The following PFDN1 variants were observed in gnomAD, a reference collection of about 807,000 sequenced individuals.
PFDN1 encodes prefoldin 1.
In PFDN1, 6 loss-of-function variants were observed where a neutral mutation model predicts 17.3. The ratio of observed to expected loss-of-function variants is 0.35; its 90% confidence interval spans 0.19 to 0.69. The LOEUF is 0.69. PFDN1 is among the 30% of genes least tolerant of loss of function. The pLI is 0.65. For missense variants in PFDN1, 113 were observed against 146.2 expected, an observed-to-expected ratio of 0.77 and a Z score of 1.17; for synonymous variants, 58 against 50.1, an observed-to-expected ratio of 1.16 and a Z score of -0.67.
At chr5:140,277,663 G>A (rs1181590416) in intron 3 of PFDN1, among the ~76,000 whole-genome samples, 2 of 151,830 alleles carry the variant, frequency 1.3e-5, no homozygotes, top group African/African-American at 4.8e-5. Flanking sequence ...GGGAGGTGGA[G>A]GCTGCAGTGA....
chr5:140,253,013 T>C (rs1424904550), intron 3 of PFDN1, among the ~76,000 whole-genome samples: 1 of 152,080 alleles, frequency 6.6e-6, no homozygotes, highest in Non-Finnish European at 1.5e-5. Flanking sequence ...AGGACACAGC[T>C]AGGCGATATG....
At chr5:140,268,789 A>G (rs577119635) in intron 3 of PFDN1, among the ~76,000 whole-genome samples, 2 of 152,350 alleles carry the variant, frequency 1.3e-5, no homozygotes, top group South Asian at 4.1e-4. Flanking sequence ...GGGTATGTCA[A>G]TTACATATGT....
At chr5:140,250,239 C>T (rs764889528) in intron 3 of PFDN1, among the ~76,000 whole-genome samples, 4 of 152,146 alleles carry the variant, frequency 2.6e-5, no homozygotes, top group Admixed American at 2.0e-4. Context: ...GCTAAATCTC[C>T]GACCTCACCT....
intron 3 of PFDN1, among the ~76,000 whole-genome samples, chr5:140,260,107 A>G (rs1765042175): frequency 6.6e-6 from 1 of 152,158 alleles, no homozygotes; most frequent in East Asian, 1.9e-4. Context: ...GAAGGCCAAC[A>G]TGGGAGGATC....
intron 2 of PFDN1, among the ~76,000 whole-genome samples, chr5:140,298,094 A>G (rs566564589): frequency 6.6e-6 from 1 of 152,322 alleles, no homozygotes; most frequent in Admixed American, 6.5e-5. Context: ...TCCCAGTAAC[A>G]AACTCTCAAA....
At chr5:140,272,363 A>ATTTTTT (rs34993514) in intron 3 of PFDN1, among the ~76,000 whole-genome samples, 2 of 136,850 alleles carry the variant, frequency 1.5e-5, no homozygotes, top group Non-Finnish European at 1.5e-5. Flanking sequence ...TGGTAAAACC[A>ATTTTTT]TTTTTTTTTT....
intron 3 of PFDN1, among the ~76,000 whole-genome samples, chr5:140,247,721 C>T (rs1299680301): frequency 6.6e-6 from 1 of 152,154 alleles, no homozygotes; most frequent in Admixed American, 6.5e-5. Flanking sequence ...GGCAGATCAC[C>T]TGAGGCCAGG....
intron 3 of PFDN1, among the ~76,000 whole-genome samples, chr5:140,266,844 G>C (rs527831748): frequency 6.6e-6 from 1 of 152,388 alleles, no homozygotes; most frequent in Non-Finnish European, 1.5e-5. Context: ...TGTCTCTATA[G>C]AGAGCTGCTT....
chr5:140,245,432 T>C lies in PFDN1; in HGVS notation c.*542A>G. On this transcript the variant is annotated 3_prime_UTR_variant, in exon 4 of 4. Transcript: ENST00000261813. ...GATTCAGCTGTGAACATCTGTTCTTTCTTCCTCTTCTGTCTACTGCATGCA... is the reference window on the plus strand; with the variant it reads ...GATTCAGCTGTGAACATCTGTTCTTCCTTCCTCTTCTGTCTACTGCATGCA... 2 of 702,538 alleles carry C rather than the reference T, an allele frequency of 2.8e-6. No individual in the cohort carries two copies. Among genetic ancestry groups the C allele is most frequent in the Non-Finnish European group, 5.2e-6 (2 of 384,954 alleles). The allele number at this position is 702,538 out of a possible 1,614,324, so 43.5% of individuals were successfully genotyped here.
intron 3 of PFDN1, among the ~76,000 whole-genome samples, chr5:140,270,392 C>T (rs568026499): frequency 1.3e-5 from 2 of 151,958 alleles, no homozygotes; most frequent in South Asian, 4.2e-4. Context: ...ATAAGTATTC[C>T]AAGGAGAGCA....
intron 3 of PFDN1, among the ~76,000 whole-genome samples, chr5:140,278,350 A>G (rs6866390): frequency 0.76 from 115,386 of 151,682 alleles, 44,751 homozygotes; most frequent in African/African-American, 0.91. Flanking sequence ...GGTGGATCAC[A>G]AGGTCAGGAG....
chr5:140,288,782 C>T (rs1046267276), intron 2 of PFDN1, among the ~76,000 whole-genome samples: 6 of 151,664 alleles, frequency 4.0e-5, no homozygotes, highest in African/African-American at 1.2e-4. Flanking sequence ...GTCTGTAGTT[C>T]GACACCAGCC....
chr5:140,263,454 CATCT>C (rs1765090857), intron 3 of PFDN1, among the ~76,000 whole-genome samples: 5 of 152,038 alleles, frequency 3.3e-5, no homozygotes, highest in Admixed American at 2.6e-4. Flanking sequence ...TTTTTATATC[CATCT>C]GTCTTTCAAT....
intron 3 of PFDN1, among the ~76,000 whole-genome samples, chr5:140,250,228 A>G (rs1764893589): frequency 6.6e-6 from 1 of 152,138 alleles, no homozygotes; most frequent in South Asian, 2.1e-4. Context: ...TCTTGGTTTC[A>G]GCTAAATCTC....
intron 3 of PFDN1, among the ~76,000 whole-genome samples, chr5:140,269,966 T>G (rs910489484): frequency 6.6e-6 from 1 of 152,222 alleles, no homozygotes; most frequent in Non-Finnish European, 1.5e-5. Flanking sequence ...ATGGCTGAAA[T>G]GTCAACCTTT....
chr5:140,259,245 T>C (rs1765030260), intron 3 of PFDN1, among the ~76,000 whole-genome samples: 7 of 152,150 alleles, frequency 4.6e-5, no homozygotes, highest in Admixed American at 4.6e-4. Context: ...CCTAACTCCA[T>C]GAAGGAAAGC....
chr5:140,287,444 G>A (rs1274159178), intron 2 of PFDN1, among the ~76,000 whole-genome samples: 2 of 152,086 alleles, frequency 1.3e-5, no homozygotes, highest in African/African-American at 4.8e-5. Flanking sequence ...GCCTAGAAAC[G>A]GTAACACCTC....
Position 140,245,393 on chromosome 5 carries a change from A to T in PFDN1, c.*581T>A. 6 of 700,316 alleles carry T rather than the reference A, an allele frequency of 8.6e-6. No homozygotes were observed. The highest frequency in any genetic ancestry group is 1.0e-5 in the Non-Finnish European group (4 of 383,786). 43.4% of individuals were successfully genotyped at this position (700,316 alleles called of 1,614,324 possible). ...GGCAGACTGCCATCCAGGGACTGCT[A>T]TTCTGTTCACTGAGATTCAGCTGTG... On this transcript the variant is annotated 3_prime_UTR_variant, in exon 4 of 4. Transcript: ENST00000261813.
chr5:140,296,480 G>T (rs73791721), intron 2 of PFDN1, among the ~76,000 whole-genome samples: 2 of 152,210 alleles, frequency 1.3e-5, no homozygotes, highest in South Asian at 2.1e-4. Flanking sequence ...CCCTACTATC[G>T]CCAAGGAAAG....
Sources: gnomAD v4.1 joint callset for allele counts (sites outside exome capture counted in the v4.1 genomes callset) on GRCh38, gnomAD v4.1.1 for gene constraint, MANE v1.5 for transcripts, NCBI Gene and HGNC (gene_info 2026-07-23, HGNC 2026-07-21) for gene names.